The following LRRN1 variants were observed in gnomAD, a reference collection of about 807,000 sequenced individuals.
LRRN1 encodes the protein leucine-rich repeat neuronal protein 1.
A neutral mutation model predicts 45.8 loss-of-function variants in LRRN1; 14 were observed. The observed-to-expected ratio is 0.31, with a 90% confidence interval of 0.20 to 0.48. The LOEUF is 0.48. Among genes scored for constraint, LRRN1 ranks in the 20% least tolerant of loss-of-function variants. The pLI is 0.99. For missense variants in LRRN1, 789 were observed against 874.2 expected (o/e 0.90, Z 1.23); for synonymous variants, 359 against 330.1 (o/e 1.09, Z -0.95).
At position 3,816,333 on chromosome 3, in the gene LRRN1, A is replaced by C. The variant is rs78971765; in HGVS notation, c.-279+16414A>C. On this transcript the variant is annotated intron_variant, in intron 1 of 1. Transcript: ENST00000319331. The surrounding 1 kb of genome is among the most constrained non-coding windows in gnomAD (Gnocchi z 4.0). ...TTTCAAATGCATACTAAGATAGGGG[A>C]ACACATTGGCATCAAGGAAAATCTA... Among the ~76,000 whole-genome samples the C allele has an allele frequency of 7.2e-3, 1,097 of 152,236 alleles. 58 individuals are homozygous for C. In the East Asian group the frequency reaches 0.13, roughly 18 times the overall value.
At chr3:3,801,647 G>C (rs1426857966) in intron 1 of LRRN1, among the ~76,000 whole-genome samples, 29 of 152,284 alleles carry the variant, frequency 1.9e-4, no homozygotes. Flanking sequence ...CTTAAGAAAA[G>C]AGAATAAAGA....
At chr3:3,819,184 C>T (rs1450258147) in intron 1 of LRRN1, among the ~76,000 whole-genome samples, 5 of 151,960 alleles carry the variant, frequency 3.3e-5, no homozygotes, top group Admixed American at 6.6e-5. Flanking sequence ...GATGGGATCT[C>T]GCTATGTTAG....
At chr3:3,817,467 ACT>A (rs1338556195) in intron 1 of LRRN1, among the ~76,000 whole-genome samples, 7 of 152,186 alleles carry the variant, frequency 4.6e-5, no homozygotes, top group Non-Finnish European at 1.0e-4. Flanking sequence ...TTTAACCTTG[ACT>A]AGCGGGAACT....
At chr3:3,811,881 A>G (rs1692877463) in intron 1 of LRRN1, among the ~76,000 whole-genome samples, 1 of 152,238 alleles carries the variant, frequency 6.6e-6, no homozygotes, top group Non-Finnish European at 1.5e-5. Flanking sequence ...GAATTCTGCA[A>G]CAAAGCAGAA....
At chr3:3,814,699 A>G (rs1039150523) in intron 1 of LRRN1, among the ~76,000 whole-genome samples, 2 of 152,114 alleles carry the variant, frequency 1.3e-5, no homozygotes, top group African/African-American at 2.4e-5. Flanking sequence ...TTGTCCTTCC[A>G]TCTCCTCTGC....
chr3:3,810,323 C>A (rs9990061), intron 1 of LRRN1, among the ~76,000 whole-genome samples: 50,629 of 152,062 alleles, frequency 0.33, 10,319 homozygotes, highest in East Asian at 0.76. Flanking sequence ...ACCTCTCTGC[C>A]TCCACTGTGA....
intron 1 of LRRN1, among the ~76,000 whole-genome samples, chr3:3,832,307 T>C (rs1421915388): frequency 6.6e-6 from 1 of 152,200 alleles, no homozygotes; most frequent in African/African-American, 2.4e-5. Flanking sequence ...CTCACCATAA[T>C]AGCCTTCCAG....
intron 1 of LRRN1, among the ~76,000 whole-genome samples, chr3:3,840,829 A>T (rs1170693449): frequency 6.6e-6 from 1 of 152,220 alleles, no homozygotes; most frequent in African/African-American, 2.4e-5. Context: ...ATTTCAACAC[A>T]GTTATCTCAA....
At chr3:3,842,360 AT>A in intron 1 of LRRN1, among the ~76,000 whole-genome samples, 1 of 151,244 alleles carries the variant, frequency 6.6e-6, no homozygotes, top group East Asian at 1.9e-4. Context: ...TTATACAATC[AT>A]TTCCTACTCC....
chr3:3,804,438 G>T (rs1217170661), intron 1 of LRRN1, among the ~76,000 whole-genome samples: 1 of 152,100 alleles, frequency 6.6e-6, no homozygotes, highest in Non-Finnish European at 1.5e-5. Flanking sequence ...GAGAATCTAG[G>T]GGTGAACTTG....
chr3:3,828,916 A>G (rs1308984354), intron 1 of LRRN1, among the ~76,000 whole-genome samples: 1 of 151,660 alleles, frequency 6.6e-6, no homozygotes. Context: ...ATTGATGACT[A>G]CCTTCTTGTA....
intron 1 of LRRN1, among the ~76,000 whole-genome samples, chr3:3,817,221 C>G (rs528603182): frequency 2.6e-5 from 4 of 152,170 alleles, no homozygotes; most frequent in African/African-American, 9.7e-5. Flanking sequence ...TTTCAACAAG[C>G]AGGCACACCT....
At chr3:3,817,281 T>C (rs990196028) in intron 1 of LRRN1, among the ~76,000 whole-genome samples, 2 of 152,176 alleles carry the variant, frequency 1.3e-5, no homozygotes, top group Non-Finnish European at 2.9e-5. Context: ...TTTAAGTCCT[T>C]ATTAGAAATA....
chr3:3,837,538 A>C (rs1045984462), intron 1 of LRRN1, among the ~76,000 whole-genome samples: 1 of 152,160 alleles, frequency 6.6e-6, no homozygotes, highest in Non-Finnish European at 1.5e-5. Context: ...CACACTCTCT[A>C]AATAGGAGAT....
chr3:3,802,963 C>G (rs148473785), intron 1 of LRRN1, among the ~76,000 whole-genome samples: 9 of 149,426 alleles, frequency 6.0e-5, no homozygotes, highest in Non-Finnish European at 1.3e-4. Flanking sequence ...AGAACTCATT[C>G]CTTGGTAAAT....
Position 3,846,330 on chromosome 3 carries a change from T to A in LRRN1, c.1689T>A (p.Ile563=). 1 of 1,613,960 alleles carries A rather than the reference T, an allele frequency of 6.2e-7. No homozygotes were observed. Among genetic ancestry groups the A allele is most frequent in the Non-Finnish European group, 8.5e-7 (1 of 1,180,024 alleles). The change falls in exon 2 of 2, where the codon ATT becomes ATA. Residue 563 remains isoleucine, a synonymous_variant. Coordinates refer to ENST00000319331, the MANE Select transcript of LRRN1 (RefSeq NM_020873.7). This position sits in a 1 kb window ranked among gnomAD's most constrained non-coding sequence, Gnocchi z 5.7. ...AATGGTCGTCTGCCACCATGAAGAT[T>A]GATAACCCTCACATAACATATACTG... ...NLKWSSATMK[I]DNPHITYTAR... is the part of the protein sequence containing the mutation.
In LRRN1 at chr3:3,812,509, T is replaced by C. The variant is rs1692897257; in HGVS notation, c.-279+12590T>C. 2.0e-5 allele frequency among the ~76,000 whole-genome samples: 3 copies of C among 152,196 alleles called. No homozygotes were observed. The South Asian group carries it at 6.2e-4, about 31-fold the overall frequency. On this transcript the variant is annotated intron_variant, in intron 1 of 1. Coordinates refer to ENST00000319331, the MANE Select transcript of LRRN1 (RefSeq NM_020873.7). ...GGCTTAGAATAGAATAAAAGGGTAC[T>C]TTCTTTTCTGCCTACTTCCAAAGTG...
At chr3:3,836,014 C>G (rs1693502887) in intron 1 of LRRN1, among the ~76,000 whole-genome samples, 1 of 152,030 alleles carries the variant, frequency 6.6e-6, no homozygotes, top group African/African-American at 2.4e-5. Context: ...GAACATCACC[C>G]TGGTAATTAG....
chr3:3,816,059 A>T lies in LRRN1; in HGVS notation c.-279+16140A>T, dbSNP rs1284054627. On this transcript the variant is annotated intron_variant, in intron 1 of 1. Coordinates refer to ENST00000319331, the MANE Select transcript of LRRN1 (RefSeq NM_020873.7). The surrounding 1 kb of genome is among the most constrained non-coding windows in gnomAD (Gnocchi z 4.0). ...TGGATTCTTTTGTATTTTAATGGTT[A>T]TGAAGGACAATATGGATATTCAACT... Among the ~76,000 whole-genome samples the T allele has an allele frequency of 6.6e-6, 1 of 151,938 alleles. No individual in the cohort carries two copies.
Sources: gnomAD v4.1 joint callset for allele counts (sites outside exome capture counted in the v4.1 genomes callset) on GRCh38, gnomAD v4.1.1 for gene constraint, Gnocchi (gnomAD v3.1) non-coding constraint, MANE v1.5 for transcripts, NCBI Gene and HGNC (gene_info 2026-07-23, HGNC 2026-07-21) for gene names.